UNC5D: variants seen among roughly 807,000 people sequenced by gnomAD.
UNC5D encodes the protein netrin receptor UNC5D.
UNC5D carries 39 observed loss-of-function variants against 105.4 expected under a neutral mutation model. The ratio of observed to expected loss-of-function variants is 0.37; its 90% confidence interval spans 0.29 to 0.48. The LOEUF is 0.48. Ranked by LOEUF, UNC5D falls within the 20% of genes least tolerant of loss-of-function variation. UNC5D has a pLI of 0.98. For missense variants in UNC5D, 991 were observed against 1,202.4 expected, an observed-to-expected ratio of 0.82 and a Z score of 2.60; for synonymous variants, 452 against 450.4, an observed-to-expected ratio of 1.00 and a Z score of -0.04.
At chr8:35,672,239 A>G (rs1824858584) in intron 4 of UNC5D, among the ~76,000 whole-genome samples, 1 of 152,180 alleles carries the variant, frequency 6.6e-6, no homozygotes, top group Non-Finnish European at 1.5e-5. Context: ...TTACATGGTA[A>G]CAGGAACAAG....
At chr8:35,416,845 A>G (rs1432739038) in intron 1 of UNC5D, among the ~76,000 whole-genome samples, 2 of 152,224 alleles carry the variant, frequency 1.3e-5, no homozygotes, top group African/African-American at 4.8e-5. Flanking sequence ...CCCATGATTC[A>G]ACAGCAAACT....
chr8:35,766,606 ATTCT>A (rs1801779671), intron 14 of UNC5D, among the ~76,000 whole-genome samples: 1 of 152,190 alleles, frequency 6.6e-6, no homozygotes, highest in South Asian at 2.1e-4. Context: ...TTTTGATGGT[ATTCT>A]TTCTAATTGT....
At chr8:35,251,239 C>G (rs986032938) in intron 1 of UNC5D, among the ~76,000 whole-genome samples, 10 of 151,978 alleles carry the variant, frequency 6.6e-5, no homozygotes, top group African/African-American at 2.4e-4. Context: ...GCTGGGTAGG[C>G]CCTAGGAAAC....
In UNC5D at chr8:35,468,658, T is replaced by C. The variant is rs1308321948; in HGVS notation, c.104-80634T>C. ...TTTAAAGTTATGTCACAACTTGGAATGGTTTCCAGCACTAACTACTTTATC... is the reference window on the plus strand; with the variant it reads ...TTTAAAGTTATGTCACAACTTGGAACGGTTTCCAGCACTAACTACTTTATC... On this transcript the variant is annotated intron_variant, in intron 1 of 16. Transcript: ENST00000404895. Among the ~76,000 whole-genome samples, 3 of 152,344 alleles carry C rather than the reference T, an allele frequency of 2.0e-5. No homozygotes were observed. In the East Asian group the frequency reaches 5.8e-4, roughly 29 times the overall value.
At chr8:35,706,193 C>T (rs1033312304) in intron 8 of UNC5D, among the ~76,000 whole-genome samples, 1 of 152,290 alleles carries the variant, frequency 6.6e-6, no homozygotes, top group Non-Finnish European at 1.5e-5. Context: ...TTCTTTCTGC[C>T]TATAAGTCCA....
chr8:35,651,632 C>A (rs942307578), intron 4 of UNC5D, among the ~76,000 whole-genome samples: 1 of 152,214 alleles, frequency 6.6e-6, no homozygotes, highest in Non-Finnish European at 1.5e-5. Flanking sequence ...TCTCTTCCCC[C>A]ACTAGAGAGA....
chr8:35,405,059 A>T (rs773770227), intron 1 of UNC5D, among the ~76,000 whole-genome samples: 1 of 152,232 alleles, frequency 6.6e-6, no homozygotes, highest in Non-Finnish European at 1.5e-5. Flanking sequence ...ATATATTTGG[A>T]TGTATTTATG....
intron 1 of UNC5D, among the ~76,000 whole-genome samples, chr8:35,517,341 G>C (rs1340314956): frequency 1.3e-5 from 2 of 152,220 alleles, no homozygotes; most frequent in Non-Finnish European, 2.9e-5. Flanking sequence ...ATCCTTGCTG[G>C]TGGGATGGCC....
intron 11 of UNC5D, among the ~76,000 whole-genome samples, chr8:35,736,623 T>C (rs1829484221): frequency 1.3e-5 from 2 of 152,174 alleles, no homozygotes; most frequent in South Asian, 4.2e-4. Flanking sequence ...TGCAGTGTGG[T>C]ATATACGGTG....
At chr8:35,660,942 T>A (rs1824066338) in intron 4 of UNC5D, among the ~76,000 whole-genome samples, 1 of 151,876 alleles carries the variant, frequency 6.6e-6, no homozygotes, top group Admixed American at 6.6e-5. Flanking sequence ...AATATTTATT[T>A]AAAAAACTAG....
chr8:35,381,855 C>G (rs1803062497), intron 1 of UNC5D, among the ~76,000 whole-genome samples: 1 of 152,158 alleles, frequency 6.6e-6, no homozygotes, highest in South Asian at 2.1e-4. Context: ...TGCCTCCTCT[C>G]CTTTTCATGA....
chr8:35,372,810 C>T (rs953314633), intron 1 of UNC5D, among the ~76,000 whole-genome samples: 1 of 152,084 alleles, frequency 6.6e-6, no homozygotes, highest in African/African-American at 2.4e-5. Context: ...ACATTTTACC[C>T]AGGCTGGTGT....
chr8:35,349,855 C>T (rs1042937824), intron 1 of UNC5D, among the ~76,000 whole-genome samples: 1 of 151,938 alleles, frequency 6.6e-6, no homozygotes, highest in African/African-American at 2.4e-5. Context: ...TCATCAAGGA[C>T]TTGAAACTGG....
intron 1 of UNC5D, among the ~76,000 whole-genome samples, chr8:35,428,303 T>G (rs1458025362): frequency 6.6e-6 from 1 of 151,386 alleles, no homozygotes; most frequent in Non-Finnish European, 1.5e-5. Flanking sequence ...ACCTCAGTTT[T>G]CTAAGTAGCT....
chr8:35,307,570 G>C (rs1808518910), intron 1 of UNC5D, among the ~76,000 whole-genome samples: 1 of 152,124 alleles, frequency 6.6e-6, no homozygotes, highest in South Asian at 2.1e-4. Context: ...AGTTAGCAGG[G>C]ATGGACAGGG....
At chr8:35,374,446 T>G (rs1229806614) in intron 1 of UNC5D, among the ~76,000 whole-genome samples, 1 of 152,194 alleles carries the variant, frequency 6.6e-6, no homozygotes, top group Admixed American at 6.5e-5. Context: ...AAGGTAACAA[T>G]GTACAGATTA....
At chr8:35,465,717 G>A (rs1180919972) in intron 1 of UNC5D, among the ~76,000 whole-genome samples, 1 of 152,066 alleles carries the variant, frequency 6.6e-6, no homozygotes, top group Non-Finnish European at 1.5e-5. Flanking sequence ...GAATATGTTA[G>A]GTTAGATGGA....
intron 1 of UNC5D, among the ~76,000 whole-genome samples, chr8:35,539,274 T>G (rs1454001491): frequency 6.6e-6 from 1 of 152,198 alleles, no homozygotes; most frequent in Non-Finnish European, 1.5e-5. Flanking sequence ...ATTTTTAACA[T>G]GTGTTTGTAT....
In UNC5D at chr8:35,568,406, A is replaced by G. The variant is rs1316677052; in HGVS notation, c.466+165A>G. Among the ~76,000 whole-genome samples, 3 of 152,372 alleles carry G rather than the reference A, an allele frequency of 2.0e-5. No homozygotes were observed. In the East Asian group the frequency reaches 5.8e-4, roughly 29 times the overall value. Reference sequence around the variant, plus strand: ...TTAAAATGTTTGATAATTTCTGGCCAGGCGTGGCACAGTGGCTCACGCCTG... The same window carrying G: ...TTAAAATGTTTGATAATTTCTGGCCGGGCGTGGCACAGTGGCTCACGCCTG... On this transcript the variant is annotated intron_variant, in intron 3 of 16. Transcript: ENST00000404895.
Sources: gnomAD v4.1 joint callset for allele counts (sites outside exome capture counted in the v4.1 genomes callset) on GRCh38, gnomAD v4.1.1 for gene constraint, MANE v1.5 for transcripts, NCBI Gene and HGNC (gene_info 2026-07-23, HGNC 2026-07-21) for gene names.